The following LDLRAD4 variants were observed in gnomAD, a reference collection of about 807,000 sequenced individuals.
The protein encoded by LDLRAD4 is low-density lipoprotein receptor class A domain-containing protein 4.
Under a neutral mutation model 17.0 loss-of-function variants are expected in LDLRAD4, and 5 were observed. That is an observed-to-expected ratio of 0.29 (90% CI 0.15 to 0.62). The LOEUF is 0.62. Ranked by LOEUF, LDLRAD4 falls within the 20% of genes least tolerant of loss-of-function variation. LDLRAD4 has a pLI of 0.84. For missense variants in LDLRAD4, 340 were observed against 424.7 expected (o/e 0.80, Z 1.75); for synonymous variants, 168 against 171.8 (o/e 0.98, Z 0.17).
At chr18:13,652,401 T>G (rs1316117546) in exon 6 of LDLRAD4, 3 of 152,348 alleles carry the variant, frequency 2.0e-5, no homozygotes, top group African/African-American at 7.2e-5. Context: ...TTCGTTTAAT[T>G]TTTATTATAA....
intron 3 of LDLRAD4, among the ~76,000 whole-genome samples, chr18:13,589,399 G>A (rs2094979133): frequency 6.6e-6 from 1 of 152,192 alleles, no homozygotes; most frequent in African/African-American, 2.4e-5. Flanking sequence ...GAAGGCTTCA[G>A]CTGTTCATTT....
At chr18:13,505,440 A>G (rs1052454475) in intron 3 of LDLRAD4, among the ~76,000 whole-genome samples, 4 of 152,218 alleles carry the variant, frequency 2.6e-5, no homozygotes, top group Non-Finnish European at 4.4e-5. Flanking sequence ...AGCATTAAAA[A>G]CTTTTCTACC....
At chr18:13,649,406 T>TATC (rs1483195312) in exon 6 of LDLRAD4, 2 of 152,410 alleles carry the variant, frequency 1.3e-5, no homozygotes, top group African/African-American at 4.8e-5. Flanking sequence ...GGCCATCCTC[T>TATC]ATCTTCCATC....
At chr18:13,449,540 C>T (rs536507236) in intron 3 of LDLRAD4, among the ~76,000 whole-genome samples, 9 of 152,268 alleles carry the variant, frequency 5.9e-5, no homozygotes, top group Non-Finnish European at 1.3e-4. Flanking sequence ...AGAGGAGAAT[C>T]TCAGATTGCC....
At chr18:13,633,760 C>T (rs1340667786) in intron 4 of LDLRAD4, among the ~76,000 whole-genome samples, 8 of 152,200 alleles carry the variant, frequency 5.3e-5, no homozygotes, top group African/African-American at 1.2e-4. Context: ...CAGGGGACTT[C>T]GCTAGGACCC....
chr18:13,367,002 C>G lies in LDLRAD4; in HGVS notation c.-382-20339C>G, dbSNP rs920255681. ...GGAATCCTGGTGACTTCTGGACAGG[C>G]AGTGCTTTGAATGAAATCACATCCA... On this transcript the variant is annotated intron_variant, in intron 1 of 5. Transcript: ENST00000359446. This position sits in a 1 kb window ranked among gnomAD's most constrained non-coding sequence, Gnocchi z 4.1. Among the ~76,000 whole-genome samples, 1 of 152,178 alleles carries G rather than the reference C, an allele frequency of 6.6e-6. No individual in the cohort carries two copies. Among genetic ancestry groups the G allele is most frequent in the African/African-American group, 2.4e-5 (1 of 41,444 alleles).
chr18:13,577,714 C>T (rs192790188), intron 3 of LDLRAD4, among the ~76,000 whole-genome samples: 1 of 152,238 alleles, frequency 6.6e-6, no homozygotes, highest in East Asian at 1.9e-4. Flanking sequence ...GGAAAAGTAC[C>T]GGCTACATTA....
intron 1 of LDLRAD4, among the ~76,000 whole-genome samples, chr18:13,308,689 T>C (rs6505797): frequency 0.94 from 142,952 of 152,362 alleles, 67,580 homozygotes; most frequent in Non-Finnish European, 1. Context: ...ATCAGAGCCA[T>C]GTGTGTTTGT....
chr18:13,361,579 T>A (rs564606419), intron 1 of LDLRAD4, among the ~76,000 whole-genome samples: 1 of 152,314 alleles, frequency 6.6e-6, no homozygotes, highest in African/African-American at 2.4e-5. Context: ...GGATGTTCTC[T>A]TCCTGGGCCT....
intron 1 of LDLRAD4, among the ~76,000 whole-genome samples, chr18:13,227,682 G>A (rs879711299): frequency 1.3e-5 from 2 of 152,214 alleles, no homozygotes; most frequent in Admixed American, 6.5e-5. Context: ...CAGTCATGGC[G>A]GAAGTGGAAG....
chr18:13,459,536 C>T (rs12605351), intron 3 of LDLRAD4, among the ~76,000 whole-genome samples: 55,146 of 151,736 alleles, frequency 0.36, 11,203 homozygotes, highest in Non-Finnish European at 0.45. Context: ...GTGCCCGCAA[C>T]CACGCCCGGC....
chr18:13,470,992 A>G (rs112854035), intron 3 of LDLRAD4: 11,952 of 152,282 alleles, frequency 0.078, 562 homozygotes, highest in Non-Finnish European at 0.11. Context: ...GGTGAAAAGA[A>G]GCTCGTTTGT....
intron 3 of LDLRAD4, among the ~76,000 whole-genome samples, chr18:13,596,290 A>G (rs138451582): frequency 1.3e-5 from 2 of 152,276 alleles, no homozygotes; most frequent in African/African-American, 4.8e-5. Context: ...TACATAGCAT[A>G]TAGTTAAATC....
intron 3 of LDLRAD4, among the ~76,000 whole-genome samples, chr18:13,445,454 G>C (rs2091325947): frequency 6.6e-6 from 1 of 151,988 alleles, no homozygotes; most frequent in African/African-American, 2.4e-5. Context: ...TGTGTATGCA[G>C]GTGTATGAAT....
At chr18:13,253,558 A>G (rs1039462188) in intron 1 of LDLRAD4, among the ~76,000 whole-genome samples, 6 of 152,032 alleles carry the variant, frequency 3.9e-5, no homozygotes, top group Non-Finnish European at 8.8e-5. Flanking sequence ...ATTATGACAC[A>G]TGGTGCTAAT....
chr18:13,565,842 G>A (rs1295499475), intron 3 of LDLRAD4, among the ~76,000 whole-genome samples: 3 of 152,204 alleles, frequency 2.0e-5, no homozygotes, highest in South Asian at 2.1e-4. Flanking sequence ...CATTTTGGAC[G>A]GGGCCTTAAG....
intron 1 of LDLRAD4, among the ~76,000 whole-genome samples, chr18:13,294,917 T>A (rs34884640): frequency 0.21 from 32,341 of 152,016 alleles, 3,614 homozygotes; most frequent in Middle Eastern, 0.32. Context: ...GAATTCTGTC[T>A]TTAGAAAATG....
intron 1 of LDLRAD4, among the ~76,000 whole-genome samples, chr18:13,253,855 A>G (rs2043356548): frequency 6.6e-6 from 1 of 152,162 alleles, no homozygotes; most frequent in Non-Finnish European, 1.5e-5. Context: ...TTGATAACAA[A>G]TCTCATGGCA....
chr18:13,502,203 G>A (rs2093625415), intron 3 of LDLRAD4, among the ~76,000 whole-genome samples: 1 of 152,206 alleles, frequency 6.6e-6, no homozygotes, highest in Admixed American at 6.5e-5. Flanking sequence ...AAAGTTACGT[G>A]TCCTGTCAGT....
Sources: gnomAD v4.1 joint callset for allele counts (sites outside exome capture counted in the v4.1 genomes callset) on GRCh38, gnomAD v4.1.1 for gene constraint, Gnocchi (gnomAD v3.1) non-coding constraint, MANE v1.5 for transcripts, NCBI Gene and HGNC (gene_info 2026-07-23, HGNC 2026-07-21) for gene names.